Variants in NRP2 observed in about 807,000 individuals in gnomAD.
The protein encoded by NRP2 is neuropilin-2.
NRP2 carries 52 observed loss-of-function variants against 110.4 expected under a neutral mutation model. The ratio of observed to expected loss-of-function variants is 0.47; its 90% CI spans 0.38 to 0.59. NRP2 has a LOEUF of 0.59. Among genes scored for constraint, NRP2 ranks in the 20% least tolerant of loss-of-function variants. NRP2 has a pLI of 0.00. For synonymous variants in NRP2, 508 were observed against 468.9 expected (o/e 1.08, Z -1.08); for missense variants, 1,049 against 1,203.0 (o/e 0.87, Z 1.89).
Position 205,743,341 on chromosome 2 carries a change from G to C in NRP2, c.1430G>C (p.Arg477Pro). Residue 477 changes from arginine (R) to proline (P), a missense_variant, in exon 9 of 17, where the codon CGA becomes CCA. Coordinates refer to ENST00000357785, the MANE Select transcript of NRP2 (RefSeq NM_003872.3). ...LVSSRSGWFP[R>P]IPQAQPGEEW... ...AGCAGCCGCTCGGGCTGGTTCCCTC[G>C]AATCCCTCAGGCCCAGCCCGGTGAG... 1 of 1,614,176 alleles carries C rather than the reference G, an allele frequency of 6.2e-7. No homozygotes were observed.
At chr2:205,759,420 CCTT>C (rs1176103721) in intron 12 of NRP2, 1 of 152,216 alleles carries the variant, frequency 6.6e-6, no homozygotes, top group East Asian at 1.9e-4. Context: ...TATGGAAACT[CCTT>C]CTCTGGAGAA....
At chr2:205,719,478 A>C (rs891176982) in intron 3 of NRP2, among the ~76,000 whole-genome samples, 1 of 152,204 alleles carries the variant, frequency 6.6e-6, no homozygotes, top group African/African-American at 2.4e-5. Flanking sequence ...AGAAACAAAA[A>C]AAAAAAAAAG....
chr2:205,683,705 T>C (rs2056074371), intron 1 of NRP2, among the ~76,000 whole-genome samples: 1 of 152,218 alleles, frequency 6.6e-6, no homozygotes. Context: ...TTCCCTGTCT[T>C]GAAGCAGAAC....
chr2:205,706,127 C>T (rs569929630), intron 2 of NRP2, among the ~76,000 whole-genome samples: 17 of 152,186 alleles, frequency 1.1e-4, no homozygotes, highest in Admixed American at 2.6e-4. Flanking sequence ...CCACCACCTT[C>T]ACTCTCCATC....
intron 9 of NRP2, among the ~76,000 whole-genome samples, 181 bp from the exon 10 acceptor site, chr2:205,745,565 A>G (rs1027254567): frequency 3.9e-5 from 6 of 152,192 alleles, no homozygotes; most frequent in African/African-American, 1.4e-4. Context: ...CAAATGAATA[A>G]AATCCTTGGT....
At chr2:205,715,197 G>A (rs547190778) in intron 2 of NRP2, among the ~76,000 whole-genome samples, 1 of 152,310 alleles carries the variant, frequency 6.6e-6, no homozygotes, top group South Asian at 2.1e-4. Flanking sequence ...CACAAACGCA[G>A]CACAGTGAGG....
chr2:205,719,345 C>A (rs1230555393), intron 3 of NRP2, among the ~76,000 whole-genome samples: 4 of 152,110 alleles, frequency 2.6e-5, no homozygotes, highest in Admixed American at 2.6e-4. Flanking sequence ...AGGTTCATGT[C>A]TGCCCTAAGT....
intron 15 of NRP2, among the ~76,000 whole-genome samples, chr2:205,768,877 A>G (rs1250598968): frequency 6.6e-6 from 1 of 152,184 alleles, no homozygotes; most frequent in East Asian, 1.9e-4. Flanking sequence ...CAGAATCTGA[A>G]TTGGGAATGG....
chr2:205,732,288 CA>C (rs2057255234), intron 7 of NRP2, among the ~76,000 whole-genome samples: 1 of 152,124 alleles, frequency 6.6e-6, no homozygotes, highest in South Asian at 2.1e-4. Context: ...CACATCCCTT[CA>C]AAACAAATAA....
At chr2:205,688,330 TCTTTGTACTGTTC>T in intron 1 of NRP2, among the ~76,000 whole-genome samples, 1 of 152,330 alleles carries the variant, frequency 6.6e-6, no homozygotes, top group Non-Finnish European at 1.5e-5. Context: ...CAGAAGTTAG[TCTTTGTACTGTTC>T]CTTCCAGGTA....
chr2:205,700,651 A>G, intron 2 of NRP2: 2 of 513,582 alleles, frequency 3.9e-6, no homozygotes, highest in Non-Finnish European at 7.8e-6. Context: ...TTGCTGAGTA[A>G]ACCCCAGATA....
chr2:205,710,550 A>T (rs1307598020), intron 2 of NRP2, among the ~76,000 whole-genome samples: 1 of 152,262 alleles, frequency 6.6e-6, no homozygotes, highest in Non-Finnish European at 1.5e-5. Context: ...ATTTACTTTA[A>T]AAAGTCTGAC....
At chr2:205,695,347 TA>T (rs2056401318) in intron 1 of NRP2, among the ~76,000 whole-genome samples, 1 of 152,216 alleles carries the variant, frequency 6.6e-6, no homozygotes, top group Non-Finnish European at 1.5e-5. Flanking sequence ...GATGAGAAAT[TA>T]AACCTTCCTG....
chr2:205,789,232 G>GC (rs1186249874), intron 15 of NRP2, among the ~76,000 whole-genome samples: 1 of 152,138 alleles, frequency 6.6e-6, no homozygotes, highest in Non-Finnish European at 1.5e-5. Context: ...ATCCACCCTG[G>GC]CCCTAATACA....
chr2:205,765,646 C>A, intron 14 of NRP2, 76 bp downstream of exon 14: 2 of 1,253,080 alleles, frequency 1.6e-6, no homozygotes, highest in Non-Finnish European at 2.3e-6. Context: ...GGAGGCAGGA[C>A]ACCATTTTCC....
At chr2:205,705,567 G>A (rs919390832) in intron 2 of NRP2, among the ~76,000 whole-genome samples, 2 of 152,268 alleles carry the variant, frequency 1.3e-5, no homozygotes, top group East Asian at 3.9e-4. Context: ...ATGTTTGTGG[G>A]TCACGTGGAG....
intron 10 of NRP2, among the ~76,000 whole-genome samples, chr2:205,748,846 A>G (rs1353721795): frequency 6.6e-6 from 1 of 152,184 alleles, no homozygotes; most frequent in African/African-American, 2.4e-5. Flanking sequence ...CACTCCCTCA[A>G]TAGTTGCTGA....
At chr2:205,731,307 C>G (rs1416749803) in intron 7 of NRP2, among the ~76,000 whole-genome samples, 1 of 152,202 alleles carries the variant, frequency 6.6e-6, no homozygotes, top group Non-Finnish European at 1.5e-5. Flanking sequence ...ATATTAATAA[C>G]ACCCTAGATG....
At position 205,713,371 on chromosome 2, in the gene NRP2, C is replaced by A. The variant is rs188922799; in HGVS notation, c.252-2822C>A. Among the ~76,000 whole-genome samples the A allele has an allele frequency of 2.6e-5, 4 of 152,316 alleles. No homozygotes were observed. The East Asian group carries it at 5.8e-4, about 22-fold the overall frequency. On this transcript the variant is annotated intron_variant, in intron 2 of 16. Coordinates refer to ENST00000357785, the MANE Select transcript of NRP2 (RefSeq NM_003872.3). ...GCACTGTTCCAGATGTCCCGACCTA[C>A]TGTGTCTCATTTATTCCTCACTCCA...
Sources: gnomAD v4.1 joint callset for allele counts (sites outside exome capture counted in the v4.1 genomes callset) on GRCh38, gnomAD v4.1.1 for gene constraint, MANE v1.5 for transcripts, NCBI Gene and HGNC (gene_info 2026-07-23, HGNC 2026-07-21) for gene names.